PRAM1: variants seen among roughly 807,000 people sequenced by gnomAD.
PRAM1 encodes PML-RARA regulated adaptor molecule 1, also known as PML-RARA-regulated adapter molecule 1.
Under a neutral mutation model 55.3 loss-of-function variants are expected in PRAM1, and 41 were observed. That is an observed-to-expected ratio of 0.74 (90% confidence interval 0.58 to 0.96). The LOEUF is 0.96. Among genes scored for constraint, PRAM1 ranks in the 40% least tolerant of loss-of-function variants. The probability of loss-of-function intolerance (pLI) is 0.00; values close to 1 mark genes in which losing one functional copy is unlikely to be tolerated. For missense variants in PRAM1, 898 were observed against 892.7 expected, an observed-to-expected ratio of 1.01 and a Z score of -0.08; for synonymous variants, 401 against 387.1, an observed-to-expected ratio of 1.04 and a Z score of -0.42.
Position 8,498,607 on chromosome 19 carries a change from T to G in PRAM1, c.1201A>C (p.Ser401Arg). 6.2e-7 allele frequency: 1 copy of G among 1,612,492 alleles called. No individual in the cohort carries two copies. The highest frequency in any genetic ancestry group is 8.5e-7 in the Non-Finnish European group (1 of 1,179,710). Residue 401 changes from serine to arginine, a missense_variant, in exon 2 of 10, where the codon AGC becomes CGC. Coordinates refer to ENST00000423345, the MANE Select transcript of PRAM1 (RefSeq NM_032152.5). ...CCAGGGCTGAGCGGGTGCCGGGAGCTGAAGCCGGCCACGGCCGCAGGCAGT... is the reference window on the plus strand; with the variant it reads ...CCAGGGCTGAGCGGGTGCCGGGAGCGGAAGCCGGCCACGGCCGCAGGCAGT... ...SSLPAAVAGF[S>R]SRHPLSPGFG...
chr19:8,499,250 G>A lies in PRAM1; in HGVS notation c.558C>T (p.Gly186=), dbSNP rs774857284. The A allele has an allele frequency of 3.2e-5, 51 of 1,611,332 alleles. 1 individual carries two copies. The highest frequency in any genetic ancestry group is 3.3e-4 in the Middle Eastern group (2 of 6,066). Residue 186 remains glycine (G), a synonymous_variant, in exon 2 of 10, where the codon GGC becomes GGT. Coordinates refer to ENST00000423345, the MANE Select transcript of PRAM1 (RefSeq NM_032152.5). ...PARPPSEPKS[G]AFPRKLWQPE... ...GTTGCCAGAGCTTCCTGGGGAATGCGCCGGATTTGGGTTCGGAGGGGGGTC... is the reference window on the plus strand; with the variant it reads ...GTTGCCAGAGCTTCCTGGGGAATGCACCGGATTTGGGTTCGGAGGGGGGTC...
Position 8,499,758 on chromosome 19 carries a change from C to T in PRAM1, c.50G>A (p.Ser17Asn), listed in dbSNP as rs987470990. 2 of 1,608,566 alleles carry T rather than the reference C, an allele frequency of 1.2e-6. No individual in the cohort carries two copies. The highest frequency in any genetic ancestry group is 1.7e-6 in the Non-Finnish European group (2 of 1,177,522). ...AGAGGCCTGGAACTTTGCTTTGATG[C>T]TCCGGAAGTCCTGATGGCTCTCCTA... ...AAMESHQDFR[S>N]IKAKFQASQP... The change falls in exon 2 of 10, where the codon AGC becomes AAC. Residue 17 changes from serine (S) to asparagine (N), a missense_variant. By Grantham distance (46) the Ser-to-Asn change is conservative. Coordinates refer to ENST00000423345, the MANE Select transcript of PRAM1 (RefSeq NM_032152.5).
chr19:8,498,891 G>C lies in PRAM1; in HGVS notation c.917C>G (p.Pro306Arg), dbSNP rs375285996. 1 of 1,613,352 alleles carries C rather than the reference G, an allele frequency of 6.2e-7. No homozygotes were observed. The highest frequency in any genetic ancestry group is 1.3e-5 in the African/African-American group (1 of 74,900). The change falls in exon 2 of 10, where the codon CCC (proline) becomes CGC (arginine). Residue 306 changes from proline to arginine, a missense_variant. Pro to Arg is a moderately radical substitution (Grantham distance 103, BLOSUM62 -2). This residue lies in a region of PRAM1 where 787 missense variants were observed against 735.4 expected (regional missense o/e 1.07). Transcript: ENST00000423345. Reference protein sequence around the residue: ...TSSEPEVSVLPKRPRPAEFKA... With the variant: ...TSSEPEVSVLRKRPRPAEFKA... ...GAATTCGGCCGGCCGCGGCCTCTTG[G>C]GAAGCACGCTGACTTCGGGCTCTGA...
In PRAM1 at chr19:8,498,559, GGGGTGTCCCAGCC is replaced by G. The variant is rs1971737262; in HGVS notation, c.1236_1248del (p.Thr415GlyfsTer59). On this transcript the variant is annotated frameshift_variant, in exon 2 of 10. Transcript: ENST00000423345. LOFTEE classifies it high-confidence loss of function. Reference sequence around the variant, plus strand: ...TGAACCAGGCCTCCTGACCTCCAGCGGGGTGTCCCAGCCGCTCCAAACCCAGGGCTGAGCGGGT... The same window carrying G: ...TGAACCAGGCCTCCTGACCTCCAGCGGCTCCAAACCCAGGGCTGAGCGGGT... 3 of 1,611,674 alleles carry G rather than the reference GGGGTGTCCCAGCC, an allele frequency of 1.9e-6. No homozygotes were observed. In the African/African-American group the frequency reaches 4.0e-5, roughly 22 times the overall value.
chr19:8,492,609 G>GC (rs1971645342), intron 4 of PRAM1, among the ~76,000 whole-genome samples: 1 of 152,198 alleles, frequency 6.6e-6, no homozygotes, highest in African/African-American at 2.4e-5. Context: ...AGGCAGAAGG[G>GC]AGGATGAGGA....
Position 8,498,219 on chromosome 19 carries a change from T to C in PRAM1, c.1499+4A>G. The C allele has an allele frequency of 6.2e-7, 1 of 1,611,566 alleles. No homozygotes were observed. The highest frequency in any genetic ancestry group is 1.7e-5 in the Admixed American group (1 of 59,854). ...ACCCACCTCCGCTTCCTCCCCACAC[T>C]CACTGCGGGATGTCTTCAGGCTGTC... On this transcript the variant is annotated splice_donor_region_variant and intron_variant, in intron 3 of 9. Transcript: ENST00000423345.
At chr19:8,496,742 CATAA>C (rs1349942425) in intron 4 of PRAM1, among the ~76,000 whole-genome samples, 1 of 150,830 alleles carries the variant, frequency 6.6e-6, no homozygotes, top group Non-Finnish European at 1.5e-5. Context: ...AAAACGAATA[CATAA>C]ATAAATAAGG....
Position 8,491,134 on chromosome 19 carries a change from C to A in PRAM1, c.1600G>T (p.Ala534Ser), listed in dbSNP as rs1315300334. ...GRDEAPSVQQ[A>S]ARRPPQDPAL... ...GGGTCTTGTGGTGGCCTCCTGGCGGCTTGCTGAACTGAGGGCGCTTCATCT... is the reference window on the plus strand; with the variant it reads ...GGGTCTTGTGGTGGCCTCCTGGCGGATTGCTGAACTGAGGGCGCTTCATCT... The change falls in exon 5 of 10, where the codon GCC (alanine) becomes TCC (serine). Residue 534 changes from alanine (A) to serine (S), a missense_variant. Physicochemically the swap from Ala to Ser is moderately conservative, Grantham distance 99. Transcript: ENST00000423345. 1.4e-5 allele frequency: 23 copies of A among 1,611,684 alleles called. No homozygotes were observed. The highest frequency in any genetic ancestry group is 1.9e-5 in the Non-Finnish European group (23 of 1,179,788).
Position 8,499,147 on chromosome 19 carries a change from AC to A in PRAM1, c.660del (p.Glu220AspfsTer59). 1 of 1,609,350 alleles carries A rather than the reference AC, an allele frequency of 6.2e-7. No individual in the cohort carries two copies. Among genetic ancestry groups the A allele is most frequent in the Non-Finnish European group, 8.5e-7 (1 of 1,178,490 alleles). On this transcript the variant is annotated frameshift_variant, in exon 2 of 10. Transcript: ENST00000423345. LOFTEE classifies it high-confidence loss of function. ...GGAGGCTTTTTGGGGTACACGTTGA[AC>A]TCAGGCTGCGCAGGCTTCTTGGGAA... The part of the protein sequence containing the change: ...STFPKKPAQP[E>X]FNVYPKKPPQ...
At position 8,499,203 on chromosome 19, in the gene PRAM1, G is replaced by C. The variant is rs778712025; in HGVS notation, c.605C>G (p.Pro202Arg). 6.2e-7 allele frequency: 1 copy of C among 1,612,872 alleles called. No individual in the cohort carries two copies. The highest frequency in any genetic ancestry group is 1.1e-5 in the South Asian group (1 of 91,014). Residue 202 changes from proline to arginine, a missense_variant, in exon 2 of 10, where the codon CCG (proline) becomes CGG (arginine). Physicochemically the swap from Pro to Arg is moderately radical, Grantham distance 103. Coordinates refer to ENST00000423345, the MANE Select transcript of PRAM1 (RefSeq NM_032152.5). The part of the protein sequence containing the change: ...LWQPEAGEAT[P>R]RSPQPELSTF... The stretch of plus-strand genomic sequence containing the variant: ...ACTCAACTCAGGCTGCGGGGACCTC[G>C]GGGTAGCCTCACCGGCCTCGGGTTG...
At chr19:8,501,307 C>T (rs1971803587) in intron 1 of PRAM1, among the ~76,000 whole-genome samples, 1 of 151,468 alleles carries the variant, frequency 6.6e-6, no homozygotes, top group African/African-American at 2.4e-5. Context: ...GTTGGCCAGG[C>T]TGGTCTCGAA....
rs1037680577 is a variant in PRAM1, at chr19:8,490,973, G to T, written c.1657C>A (p.Gln553Lys). ...ALRKEKDPQP[Q>K]QLPPMDPKLL... ...TTTGGGTCCATGGGTGGCAACTGCT[G>T]TGGCTGGGGATCCTTCTCCTTCCTG... The change falls in exon 6 of 10, where the codon CAG (glutamine) becomes AAG (lysine). Residue 553 changes from glutamine to lysine, a missense_variant. Gln to Lys is a moderately conservative substitution (Grantham distance 53, BLOSUM62 1). Coordinates refer to ENST00000423345, the MANE Select transcript of PRAM1 (RefSeq NM_032152.5). This position sits in a 1 kb window ranked among gnomAD's most constrained non-coding sequence, Gnocchi z 7.3. 7.4e-6 allele frequency: 12 copies of T among 1,613,418 alleles called. No individual in the cohort carries two copies. Among genetic ancestry groups the T allele is most frequent in the Non-Finnish European group, 1.0e-5 (12 of 1,179,904 alleles).
Position 8,498,270 on chromosome 19 carries a change from C to A in PRAM1, c.1452G>T (p.Ser484=), listed in dbSNP as rs368204225. 6.2e-7 allele frequency: 1 copy of A among 1,612,630 alleles called. No individual in the cohort carries two copies. The highest frequency in any genetic ancestry group is 1.1e-5 in the South Asian group (1 of 90,852). Reference sequence around the variant, plus strand: ...GGTCCTGGAAGTGGAGCCCAGCGGCCGAGCGGGTCCTCCGTAGATCTGTGG... The same window carrying A: ...GGTCCTGGAAGTGGAGCCCAGCGGCAGAGCGGGTCCTCCGTAGATCTGTGG... The part of the protein sequence containing the change: ...AASIDLRRTR[S]AAGLHFQDRQ... The change falls in exon 3 of 10, where the codon TCG becomes TCT. Residue 484 remains serine (S), a synonymous_variant. Coordinates refer to ENST00000423345, the MANE Select transcript of PRAM1 (RefSeq NM_032152.5).
Position 8,498,645 on chromosome 19 carries a change from G to A in PRAM1, c.1163C>T (p.Ala388Val), listed in dbSNP as rs1268921609. The A allele has an allele frequency of 6.2e-7, 1 of 1,611,902 alleles. No homozygotes were observed. The highest frequency in any genetic ancestry group is 8.5e-7 in the Non-Finnish European group (1 of 1,179,330). ...LPRKPPLPSS[A>V]SESSLPAAVA... ...GGCCGCAGGCAGTGAGCTCTCGGAAGCGGAGCTGGGGAGTGGAGGCTTTCG... is the reference window on the plus strand; with the variant it reads ...GGCCGCAGGCAGTGAGCTCTCGGAAACGGAGCTGGGGAGTGGAGGCTTTCG... Residue 388 changes from alanine (A) to valine (V), a missense_variant, in exon 2 of 10, where the codon GCT becomes GTT. Physicochemically the swap from Ala to Val is moderately conservative, Grantham distance 64. Around this residue, in one of 4 missense-constraint regions of PRAM1, gnomAD observed 787 missense variants for 735.4 expected, o/e 1.07. Transcript: ENST00000423345.
Position 8,498,910 on chromosome 19 carries a change from G to T in PRAM1, c.898C>A (p.Pro300Thr). The T allele has an allele frequency of 1.2e-6, 2 of 1,613,744 alleles. No individual in the cohort carries two copies. The highest frequency in any genetic ancestry group is 1.7e-6 in the Non-Finnish European group (2 of 1,179,782). The stretch of plus-strand genomic sequence containing the variant: ...CTCTTGGGAAGCACGCTGACTTCGG[G>T]CTCTGAGGAGGTCCTGGTGAGGTCC... ...LGDLTRTSSE[P>T]EVSVLPKRPR... Residue 300 changes from proline to threonine, a missense_variant, in exon 2 of 10, where the codon CCC (proline) becomes ACC (threonine). Pro to Thr is a conservative substitution (Grantham distance 38, BLOSUM62 -1). Around this residue, in one of 4 missense-constraint regions of PRAM1, gnomAD observed 787 missense variants for 735.4 expected, o/e 1.07. Coordinates refer to ENST00000423345, the MANE Select transcript of PRAM1 (RefSeq NM_032152.5).
At chr19:8,498,176 T>C (rs1199987316) in intron 3 of PRAM1, 47 bp downstream of exon 3, 5 of 1,584,148 alleles carry the variant, frequency 3.2e-6, no homozygotes, top group South Asian at 1.1e-5. Flanking sequence ...TGAGGCCTCT[T>C]TGAGCCCCAC....
rs1270163745 is a variant in PRAM1, at chr19:8,498,276, G to A, written c.1446C>T (p.Thr482=). ...PSAASIDLRR[T]RSAAGLHFQD... is the part of the protein sequence containing the mutation. ...GGAAGTGGAGCCCAGCGGCCGAGCG[G>A]GTCCTCCGTAGATCTGTGGGGTAGA... The change falls in exon 3 of 10, where the codon ACC becomes ACT. Residue 482 remains threonine (T), a synonymous_variant. Coordinates refer to ENST00000423345, the MANE Select transcript of PRAM1 (RefSeq NM_032152.5). 6.2e-7 allele frequency: 1 copy of A among 1,612,458 alleles called. No individual in the cohort carries two copies. The highest frequency in any genetic ancestry group is 8.5e-7 in the Non-Finnish European group (1 of 1,179,524).
Position 8,490,513 on chromosome 19 carries a change from T to C in PRAM1, c.1907-4A>G, listed in dbSNP as rs780445740. The C allele has an allele frequency of 1.2e-6, 2 of 1,610,520 alleles. No homozygotes were observed. The highest frequency in any genetic ancestry group is 1.1e-5 in the South Asian group (1 of 90,610). Reference sequence around the variant, plus strand: ...GCTGTTCTGGGCACGTAGCCATCTGTGGAGAGAGTGGGCATGGTGGGTTCT... The same window carrying C: ...GCTGTTCTGGGCACGTAGCCATCTGCGGAGAGAGTGGGCATGGTGGGTTCT... On this transcript the variant is annotated splice_polypyrimidine_tract_variant and splice_region_variant and intron_variant, in intron 7 of 9. Coordinates refer to ENST00000423345, the MANE Select transcript of PRAM1 (RefSeq NM_032152.5). The surrounding 1 kb of genome is among the most constrained non-coding windows in gnomAD (Gnocchi z 7.3).
At position 8,500,057 on chromosome 19, in the gene PRAM1, C is replaced by T. The variant is rs146055006; in HGVS notation, c.28-277G>A. 5.0e-3 allele frequency among the ~76,000 whole-genome samples: 757 copies of T among 151,056 alleles called. 15 individuals are homozygous for T. The highest frequency in any genetic ancestry group is 0.018 in the African/African-American group (727 of 41,014). ...TGCAGCCTCCAGTCCCACTGCCCTC[C>T]CCCCATGGGTGGTACCCCACCCCCC... On this transcript the variant is annotated intron_variant, in intron 1 of 9. Transcript: ENST00000423345.
Sources: gnomAD v4.1 joint callset for allele counts (sites outside exome capture counted in the v4.1 genomes callset) on GRCh38, gnomAD v4.1.1 for gene constraint, gnomAD v4.1.1 regional missense constraint, Gnocchi (gnomAD v3.1) non-coding constraint, MANE v1.5 for transcripts, NCBI Gene and HGNC (gene_info 2026-07-23, HGNC 2026-07-21) for gene names.